Variants in HYI observed in about 807,000 individuals in gnomAD.
HYI encodes hydroxypyruvate isomerase (putative), also known as putative hydroxypyruvate isomerase.
A neutral mutation model predicts 39.7 loss-of-function variants in HYI; 47 were observed. The observed-to-expected ratio is 1.18, with a 90% CI of 0.94 to 1.51. The LOEUF (loss-of-function observed/expected upper bound fraction) is 1.51. HYI is among the 40% of genes most tolerant of loss of function. The probability of loss-of-function intolerance (pLI) is 0.00; values close to 1 mark genes in which losing one functional copy is unlikely to be tolerated. For synonymous variants in HYI, 186 were observed against 158.8 expected (o/e 1.17, Z -1.29); for missense variants, 465 against 370.3 (o/e 1.26, Z -2.10).
chr1:43,451,066 C>T lies in HYI; in HGVS notation c.*172G>A. ...TCTCCCATCTTCACAGCAACCCTGGCACTGGCTTCTCAATGGGAGGGAAGC... is the reference window on the plus strand; with the variant it reads ...TCTCCCATCTTCACAGCAACCCTGGTACTGGCTTCTCAATGGGAGGGAAGC... On this transcript the variant is annotated 3_prime_UTR_variant, in exon 8 of 8. Transcript: ENST00000372430. 1 of 802,438 alleles carries T rather than the reference C, an allele frequency of 1.2e-6. No individual in the cohort carries two copies. The highest frequency in any genetic ancestry group is 2.2e-6 in the Non-Finnish European group (1 of 453,624). 49.7% of individuals were successfully genotyped at this position (802,438 alleles called of 1,614,324 possible).
In HYI at chr1:43,451,930, C is replaced by A. The variant is rs111686948; in HGVS notation, c.505+5G>T. The stretch of plus-strand genomic sequence containing the variant: ...ACAGAAGGAGAGACAGGGCTGGGGT[C>A]GTACCCTGCTGGGGCGTGTCCAGGA... On this transcript the variant is annotated splice_donor_5th_base_variant and intron_variant, in intron 4 of 7. Coordinates refer to ENST00000372430, the MANE Select transcript of HYI (RefSeq NM_001190880.3). The A allele has an allele frequency of 1.2e-6, 2 of 1,612,424 alleles. No individual in the cohort carries two copies. Among genetic ancestry groups the A allele is most frequent in the African/African-American group, 2.7e-5 (2 of 74,878 alleles).
At position 43,453,752 on chromosome 1, in the gene HYI, G is replaced by T. The variant is rs1354129277; in HGVS notation, c.42C>A (p.Phe14Leu). The T allele has an allele frequency of 1.4e-6, 2 of 1,380,004 alleles. No homozygotes were observed. Among genetic ancestry groups the T allele is most frequent in the Non-Finnish European group, 1.9e-6 (2 of 1,078,760 alleles). 85.5% of individuals were successfully genotyped at this position (1,380,004 alleles called of 1,614,324 possible). ...LRFSANLSWL[F>L]PELSGLPARV... is the part of the protein sequence containing the mutation. ...GCGCGGGGAGGCCGGAGAGCTCGGG[G>T]AATAGCCAGGACAGATTGGCGGAGA... is the stretch of plus-strand genomic sequence containing the variant. Residue 14 changes from phenylalanine (F) to leucine (L), a missense_variant, in exon 1 of 8, where the codon TTC becomes TTA. Phe to Leu is a conservative substitution (Grantham distance 22). Transcript: ENST00000372430.
chr1:43,452,134 C>T, intron 3 of HYI, 71 bp downstream of exon 3: 1 of 1,495,280 alleles, frequency 6.7e-7, no homozygotes, highest in Non-Finnish European at 9.2e-7. Flanking sequence ...ACGTGCTGTC[C>T]CCACTGTGCA....
At position 43,452,014 on chromosome 1, in the gene HYI, C is replaced by CT. The variant is rs1656490627; in HGVS notation, c.427-2dup. 1 of 1,605,298 alleles carries CT rather than the reference C, an allele frequency of 6.2e-7. No individual in the cohort carries two copies. The highest frequency in any genetic ancestry group is 8.5e-7 in the Non-Finnish European group (1 of 1,174,652). ...GCTCCAGCAGTCCCACGAGGTCCTC[C>CT]TAGCAGCATGTCGGGTGCTGTGAAT... On this transcript the variant is annotated splice_acceptor_variant, in intron 3 of 7. Transcript: ENST00000372430. LOFTEE classifies it high-confidence loss of function.
At position 43,451,792 on chromosome 1, in the gene HYI, A is replaced by C; in HGVS notation, c.555+6T>G. 1 of 1,614,004 alleles carries C rather than the reference A, an allele frequency of 6.2e-7. No individual in the cohort carries two copies. Among genetic ancestry groups the C allele is most frequent in the South Asian group, 1.1e-5 (1 of 91,064 alleles). On this transcript the variant is annotated splice_donor_region_variant and intron_variant, in intron 5 of 7. Coordinates refer to ENST00000372430, the MANE Select transcript of HYI (RefSeq NM_001190880.3). ...TCCGATCTGCGAAGTACCCCCTTCC[A>C]CTTACCATTTGTAATTGGAGGTTGG...
chr1:43,453,525 G>A, intron 1 of HYI, 28 bp from the exon 2 acceptor site: 1 of 1,533,232 alleles, frequency 6.5e-7, no homozygotes, highest in South Asian at 1.2e-5. Flanking sequence ...CTCAGCCCCC[G>A]GCTCGGACAC....
In HYI at chr1:43,451,989, G is replaced by T. The variant is rs1226016563; in HGVS notation, c.451C>A (p.Pro151Thr). The T allele has an allele frequency of 1.9e-6, 3 of 1,610,626 alleles. No individual in the cohort carries two copies. The highest frequency in any genetic ancestry group is 2.5e-6 in the Non-Finnish European group (3 of 1,177,686). ...GGGTCAGTGATGCGGGTGTTGATGGGCTCCAGCAGTCCCACGAGGTCCTCC... is the reference window on the plus strand; with the variant it reads ...GGGTCAGTGATGCGGGTGTTGATGGTCTCCAGCAGTCCCACGAGGTCCTCC... ...AQEDLVGLLE[P>T]INTRITDPQY... The change falls in exon 4 of 8, where the codon CCC becomes ACC. Residue 151 changes from proline to threonine, a missense_variant. By Grantham distance (38) the Pro-to-Thr change is conservative. Transcript: ENST00000372430.
At position 43,453,532 on chromosome 1, in the gene HYI, ACACTCCCCTGCCCGCGCCCCGG is replaced by A. The variant is rs763849207; in HGVS notation, c.199+41_200-36del. 5.0e-5 allele frequency: 76 copies of A among 1,528,406 alleles called. 2 individuals carry two copies. The Middle Eastern group carries it at 6.8e-4, about 14-fold the overall frequency. The allele number at this position is 1,528,406 out of a possible 1,614,324, so 94.7% of individuals were successfully genotyped here. ...GAACGGGCCTCAGCCCCCGGCTCGG[ACACTCCCCTGCCCGCGCCCCGG>A]CACCCCCCAGCCCTCCCAGCCCTCC... On this transcript the variant is annotated intron_variant, in intron 1 of 7. Transcript: ENST00000372430.
At chr1:43,450,927 A>G, downstream of HYI, 1 of 753,996 alleles carries the variant, frequency 1.3e-6, no homozygotes, top group Non-Finnish European at 2.4e-6. This position sits in a 1 kb window ranked among gnomAD's most constrained non-coding sequence, Gnocchi z 4.3. Flanking sequence ...TCCCATCGAG[A>G]TGACACCTGG....
Position 43,451,071 on chromosome 1 carries a change from G to C in HYI, c.*167C>G, listed in dbSNP as rs563736312. 1 of 811,628 alleles carries C rather than the reference G, an allele frequency of 1.2e-6. No homozygotes were observed. Among genetic ancestry groups the C allele is most frequent in the African/African-American group, 1.7e-5 (1 of 59,966 alleles). 50.3% of individuals were successfully genotyped at this position (811,628 alleles called of 1,614,324 possible). ...CATCTTCACAGCAACCCTGGCACTG[G>C]CTTCTCAATGGGAGGGAAGCAGCAG... On this transcript the variant is annotated 3_prime_UTR_variant, in exon 8 of 8. Coordinates refer to ENST00000372430, the MANE Select transcript of HYI (RefSeq NM_001190880.3).
Position 43,453,642 on chromosome 1 carries a change from G to C in HYI, c.152C>G (p.Ala51Gly), listed in dbSNP as rs901331159. 5 of 1,490,234 alleles carry C rather than the reference G, an allele frequency of 3.4e-6. No homozygotes were observed. The African/African-American group carries it at 7.3e-5, about 22-fold the overall frequency. The allele number at this position is 1,490,234 out of a possible 1,614,324, so 92.3% of individuals were successfully genotyped here. ...YAETPEALAR[A>G]AREAGLRLVL... ...AAGCCGCAGCCCCGCTTCTCGCGCG[G>C]CGCGCGCCAGCGCCTCAGGCGTCTC... is the stretch of plus-strand genomic sequence containing the variant. Residue 51 changes from alanine to glycine, a missense_variant, in exon 1 of 8, where the codon GCC (alanine) becomes GGC (glycine). Physicochemically the swap from Ala to Gly is moderately conservative, Grantham distance 60. Transcript: ENST00000372430.
intron 2 of HYI, chr1:43,452,716 C>T: frequency 1.6e-6 from 1 of 624,916 alleles, no homozygotes; most frequent in Non-Finnish European, 2.8e-6. Context: ...CTGTTTTCTG[C>T]CCCCACCATT....
In HYI at chr1:43,451,514, C is replaced by G; in HGVS notation, c.656G>C (p.Arg219Pro). The change falls in exon 7 of 8, where the codon CGA becomes CCA. Residue 219 changes from arginine to proline, a missense_variant. Physicochemically the swap from Arg to Pro is moderately radical, Grantham distance 103. Transcript: ENST00000372430. ...CTCTCCGGGGCTGCTGGGCTCCCCT[C>G]GGCCTGGGACCTGTGCCACCTGCAC... ...GHVQVAQVPG[R>P]GEPSSPGELN... 6.2e-7 allele frequency: 1 copy of G among 1,614,138 alleles called. No homozygotes were observed. The highest frequency in any genetic ancestry group is 8.5e-7 in the Non-Finnish European group (1 of 1,180,034).
intron 2 of HYI, chr1:43,452,808 T>C: frequency 7.4e-7 from 1 of 1,342,852 alleles, no homozygotes; most frequent in East Asian, 2.5e-5. Context: ...CAGCCCCACT[T>C]TGAGCCGTCC....
chr1:43,452,867 A>C (rs745771228), intron 2 of HYI: 3 of 1,569,060 alleles, frequency 1.9e-6, no homozygotes, highest in Non-Finnish European at 8.6e-7. Flanking sequence ...CTCCAAGCAG[A>C]CATTCCAGGC....
Position 43,451,933 on chromosome 1 carries a change from A to T in HYI, c.505+2T>A. On this transcript the variant is annotated splice_donor_variant, in intron 4 of 7. Transcript: ENST00000372430. LOFTEE classifies it high-confidence loss of function. ...GAAGGAGAGACAGGGCTGGGGTCGT[A>T]CCCTGCTGGGGCGTGTCCAGGAAGT... 6.2e-7 allele frequency: 1 copy of T among 1,612,448 alleles called. No individual in the cohort carries two copies. Among genetic ancestry groups the T allele is most frequent in the Non-Finnish European group, 8.5e-7 (1 of 1,178,852 alleles).
At chr1:43,452,457 C>G (rs1374415652) in intron 2 of HYI, 138 bp from the exon 3 acceptor site, 1 of 738,510 alleles carries the variant, frequency 1.4e-6, no homozygotes, top group Non-Finnish European at 2.5e-6. Flanking sequence ...GCCCAGGTAT[C>G]CCAGCACTTT....
At position 43,453,923 on chromosome 1, in the gene HYI, A is replaced by G; in HGVS notation, c.-130T>C. 6 of 1,206,848 alleles carry G rather than the reference A, an allele frequency of 5.0e-6. No individual in the cohort carries two copies. The highest frequency in any genetic ancestry group is 6.2e-6 in the Non-Finnish European group (6 of 972,250). 74.8% of individuals were successfully genotyped at this position (1,206,848 alleles called of 1,614,324 possible). Reference sequence around the variant, plus strand: ...CGAACGAGCACTGTTCGTGGTTAGAAAAGCGAAGTGCTGTAAAAACCCGGG... The same window carrying G: ...CGAACGAGCACTGTTCGTGGTTAGAGAAGCGAAGTGCTGTAAAAACCCGGG... On this transcript the variant is annotated 5_prime_UTR_variant, in exon 1 of 8. Coordinates refer to ENST00000372430, the MANE Select transcript of HYI (RefSeq NM_001190880.3).
At chr1:43,453,545 C>T (rs945890860) in intron 1 of HYI, 48 bp from the exon 2 acceptor site, 4 of 1,521,792 alleles carry the variant, frequency 2.6e-6, no homozygotes, top group African/African-American at 1.4e-5. Flanking sequence ...CTCCCCTGCC[C>T]GCGCCCCGGC....
Sources: gnomAD v4.1 joint callset for allele counts on GRCh38, gnomAD v4.1.1 for gene constraint, Gnocchi (gnomAD v3.1) non-coding constraint, MANE v1.5 for transcripts, NCBI Gene and HGNC (gene_info 2026-07-23, HGNC 2026-07-21) for gene names.